Variants in CTNNA3 observed in about 807,000 individuals in gnomAD.
CTNNA3 encodes catenin alpha 3.
Under a neutral mutation model 95.7 loss-of-function variants are expected in CTNNA3, and 76 were observed. The ratio of observed to expected loss-of-function variants is 0.79; its 90% CI spans 0.66 to 0.96. The LOEUF is 0.96. Among genes scored for constraint, CTNNA3 ranks in the 40% least tolerant of loss-of-function variants. The pLI is 0.00. For synonymous variants in CTNNA3, 431 were observed against 374.4 expected (o/e 1.15, Z -1.74); for missense variants, 1,191 against 1,089.8 (o/e 1.09, Z -1.31).
intron 7 of CTNNA3, among the ~76,000 whole-genome samples, chr10:66,912,660 C>A (rs1352615392): frequency 6.6e-6 from 1 of 151,990 alleles, no homozygotes; most frequent in African/African-American, 2.4e-5. Context: ...AGATATAACC[C>A]CCAAGAACGG....
At chr10:67,748,566 C>T (rs752528733) in intron 1 of CTNNA3, among the ~76,000 whole-genome samples, 4 of 152,168 alleles carry the variant, frequency 2.6e-5, no homozygotes, top group Non-Finnish European at 5.9e-5. Flanking sequence ...GGGAATTTGT[C>T]ACTGCCAGGC....
intron 12 of CTNNA3, among the ~76,000 whole-genome samples, chr10:66,347,116 A>T (rs2092528496): frequency 6.6e-6 from 1 of 152,132 alleles, no homozygotes; most frequent in African/African-American, 2.4e-5. Flanking sequence ...TCATAAAATC[A>T]GAAAACAAAA....
intron 13 of CTNNA3, among the ~76,000 whole-genome samples, chr10:66,248,295 T>C (rs988206033): frequency 6.7e-6 from 1 of 149,270 alleles, no homozygotes; most frequent in Non-Finnish European, 1.5e-5. Flanking sequence ...CTAATGAAAA[T>C]TGCCTTCACT....
At chr10:66,332,873 G>A (rs1160513122) in intron 12 of CTNNA3, among the ~76,000 whole-genome samples, 1 of 151,874 alleles carries the variant, frequency 6.6e-6, no homozygotes, top group Non-Finnish European at 1.5e-5. Flanking sequence ...TTTTTTGGTT[G>A]GTAAGCTATT....
intron 2 of CTNNA3, among the ~76,000 whole-genome samples, chr10:67,632,179 G>A (rs1839165071): frequency 6.9e-6 from 1 of 144,956 alleles, no homozygotes; most frequent in Non-Finnish European, 1.5e-5. Flanking sequence ...GGTAACTATG[G>A]GTAGAGATGG....
At chr10:67,324,915 G>A (rs966778350) in intron 5 of CTNNA3, among the ~76,000 whole-genome samples, 4 of 152,158 alleles carry the variant, frequency 2.6e-5, no homozygotes, top group Non-Finnish European at 4.4e-5. Context: ...CTCAATTTCA[G>A]AACTCATTAT....
chr10:66,890,200 A>G (rs1845213150), intron 7 of CTNNA3, among the ~76,000 whole-genome samples: 1 of 152,160 alleles, frequency 6.6e-6, no homozygotes, highest in South Asian at 2.1e-4. Context: ...AGATAGATAA[A>G]TGAATAAATC....
At chr10:66,764,367 C>T (rs2132777445) in intron 9 of CTNNA3, among the ~76,000 whole-genome samples, 1 of 152,192 alleles carries the variant, frequency 6.6e-6, no homozygotes, top group East Asian at 1.9e-4. Context: ...AAGGTAGTGT[C>T]TTAGTAATGT....
intron 7 of CTNNA3, chr10:67,052,819 C>T (rs1194834703): frequency 1.3e-5 from 2 of 151,952 alleles, no homozygotes; most frequent in African/African-American, 4.8e-5. Context: ...TTTATTGATT[C>T]TGCTGAATGA....
At chr10:67,362,928 C>T (rs113879539) in intron 5 of CTNNA3, among the ~76,000 whole-genome samples, 7 of 152,090 alleles carry the variant, frequency 4.6e-5, no homozygotes, top group Non-Finnish European at 1.0e-4. Flanking sequence ...ACAAAATCAA[C>T]GTATTAAAAT....
At chr10:67,148,029 T>C (rs1387404454) in intron 7 of CTNNA3, among the ~76,000 whole-genome samples, 1 of 152,206 alleles carries the variant, frequency 6.6e-6, no homozygotes. Flanking sequence ...TAACAGCATC[T>C]GAAGCTGGCC....
rs1212879302 is a variant in CTNNA3, at chr10:65,919,332, T to C, written c.*998A>G. The C allele has an allele frequency of 6.6e-6, 1 of 152,234 alleles. No homozygotes were observed. The highest frequency in any genetic ancestry group is 1.5e-5 in the Non-Finnish European group (1 of 68,034). The allele number at this position is 152,234 out of a possible 1,614,324, so 9.4% of individuals were successfully genotyped here. On this transcript the variant is annotated 3_prime_UTR_variant, in exon 18 of 18. Transcript: ENST00000433211. ...TCACTCCAGCTTCATTGCCATTAACTGCTTCATAGTTCAATGGTACAGTTC... is the reference window on the plus strand; with the variant it reads ...TCACTCCAGCTTCATTGCCATTAACCGCTTCATAGTTCAATGGTACAGTTC...
intron 7 of CTNNA3, among the ~76,000 whole-genome samples, chr10:66,810,105 T>C (rs1295387152): frequency 6.6e-6 from 1 of 152,198 alleles, no homozygotes; most frequent in Non-Finnish European, 1.5e-5. Flanking sequence ...GCAAATGTTT[T>C]TCATGTCTCT....
chr10:66,728,679 C>T (rs1298371496), intron 9 of CTNNA3, among the ~76,000 whole-genome samples: 1 of 152,074 alleles, frequency 6.6e-6, no homozygotes, highest in Non-Finnish European at 1.5e-5. Context: ...ACTTCTGTTT[C>T]CCGCGTTAAG....
At chr10:66,750,444 T>C (rs1008030359) in intron 9 of CTNNA3, among the ~76,000 whole-genome samples, 2 of 152,220 alleles carry the variant, frequency 1.3e-5, no homozygotes, top group African/African-American at 4.8e-5. Flanking sequence ...GGATGTCCAG[T>C]TGTTTCAGCA....
intron 17 of CTNNA3, among the ~76,000 whole-genome samples, chr10:65,963,099 TA>T (rs1406397170): frequency 6.6e-6 from 1 of 152,180 alleles, no homozygotes; most frequent in Non-Finnish European, 1.5e-5. Flanking sequence ...CTGCTGTGTC[TA>T]AAAAATGTTA....
chr10:66,558,607 T>C (rs1589421534), intron 10 of CTNNA3, among the ~76,000 whole-genome samples: 1 of 152,156 alleles, frequency 6.6e-6, no homozygotes, highest in East Asian at 1.9e-4. Flanking sequence ...TACTTCATTA[T>C]TTTTCACACC....
chr10:66,859,727 T>C (rs1389647367), intron 7 of CTNNA3, among the ~76,000 whole-genome samples: 1 of 127,566 alleles, frequency 7.8e-6, no homozygotes, highest in East Asian at 2.0e-4. Context: ...GTATGTTTAC[T>C]GCGGCACTAT....
At chr10:67,161,222 G>A (rs1248182972) in intron 7 of CTNNA3, among the ~76,000 whole-genome samples, 1 of 151,948 alleles carries the variant, frequency 6.6e-6, no homozygotes, top group Admixed American at 6.6e-5. Flanking sequence ...ATAAATAAAA[G>A]TAGTAATCTC....
Sources: allele counts gnomAD v4.1 joint callset (sites outside exome capture counted in the v4.1 genomes callset), GRCh38; gene constraint gnomAD v4.1.1; transcripts MANE v1.5; gene names NCBI Gene and HGNC (gene_info 2026-07-23, HGNC 2026-07-21).